Variants in NEMF observed in about 807,000 individuals in gnomAD.
NEMF encodes the protein nuclear export mediator factor.
NEMF carries 89 observed loss-of-function variants against 162.2 expected under a neutral mutation model. The observed-to-expected ratio is 0.55, with a 90% CI of 0.46 to 0.65. The LOEUF is 0.65. Ranked by LOEUF, NEMF falls within the 30% of genes least tolerant of loss-of-function variation. The pLI is 0.00. For missense variants in NEMF, 1,133 were observed against 1,261.9 expected (o/e 0.90, Z 1.55); for synonymous variants, 421 against 404.5 (o/e 1.04, Z -0.49).
chr14:49,820,817 G>A (rs554945446), intron 16 of NEMF, among the ~76,000 whole-genome samples: 3 of 152,120 alleles, frequency 2.0e-5, no homozygotes, highest in East Asian at 1.9e-4. Context: ...ATGGGGTTTC[G>A]CTGTGTTGGC....
chr14:49,794,772 G>A (rs1043278013), intron 26 of NEMF, among the ~76,000 whole-genome samples: 1 of 145,398 alleles, frequency 6.9e-6, no homozygotes, highest in African/African-American at 2.6e-5. Flanking sequence ...AGGCTGCGGT[G>A]CAGTGGCGTG....
chr14:49,826,633 C>T (rs772317918), intron 15 of NEMF, among the ~76,000 whole-genome samples: 5 of 151,446 alleles, frequency 3.3e-5, no homozygotes, highest in African/African-American at 4.9e-5. Context: ...AGACAGAGGG[C>T]CAAGTCATGA....
At chr14:49,803,528 CT>C (rs1221404012) in intron 19 of NEMF, among the ~76,000 whole-genome samples, 300 of 140,570 alleles carry the variant, frequency 2.1e-3, no homozygotes, top group Admixed American at 1.9e-3. Context: ...AATTTTCTTT[CT>C]TTTTTTTTTT....
chr14:49,839,177 A>G (rs1335608775), intron 5 of NEMF, among the ~76,000 whole-genome samples: 2 of 151,844 alleles, frequency 1.3e-5, no homozygotes, highest in East Asian at 3.9e-4. Flanking sequence ...TCCTGGGTTC[A>G]AGAGATTCTC....
At chr14:49,833,536 C>T (rs775644777) in intron 7 of NEMF, 40 bp from the exon 8 acceptor site, 2 of 1,373,016 alleles carry the variant, frequency 1.5e-6, no homozygotes, top group African/African-American at 1.4e-5. Context: ...GAGTGCCAAT[C>T]AAGTGTCAAT....
chr14:49,809,373 G>A (rs1891362289), intron 18 of NEMF, among the ~76,000 whole-genome samples: 1 of 152,158 alleles, frequency 6.6e-6, no homozygotes, highest in African/African-American at 2.4e-5. Flanking sequence ...GAGACATGGA[G>A]GAAAGGTAAA....
Position 49,834,356 on chromosome 14 carries a change from G to C in NEMF, c.661+7C>G. 2 of 1,559,992 alleles carry C rather than the reference G, an allele frequency of 1.3e-6. No individual in the cohort carries two copies. The highest frequency in any genetic ancestry group is 2.2e-5 in the South Asian group (2 of 89,780). Reference sequence around the variant, plus strand: ...AAATAAATGAAAAATGTACCATGCAGACATACCTTTAGTTTCAAGTTTTTC... The same window carrying C: ...AAATAAATGAAAAATGTACCATGCACACATACCTTTAGTTTCAAGTTTTTC... On this transcript the variant is annotated splice_region_variant and intron_variant, in intron 7 of 32. Transcript: ENST00000298310.
chr14:49,832,720 G>C lies in NEMF; in HGVS notation c.736-443C>G, dbSNP rs1014905091. Among the ~76,000 whole-genome samples the C allele has an allele frequency of 2.0e-5, 3 of 152,078 alleles. No individual in the cohort carries two copies. The East Asian group carries it at 5.8e-4, about 29-fold the overall frequency. ...TATTAATTTTAATTTTCTATAAATA[G>C]TTATGCTTTGAAAAGGGAAGAAAAA... On this transcript the variant is annotated intron_variant, in intron 8 of 32. Coordinates refer to ENST00000298310, the MANE Select transcript of NEMF (RefSeq NM_004713.6).
chr14:49,789,874 G>C (rs1159821560), intron 26 of NEMF, among the ~76,000 whole-genome samples: 1 of 152,168 alleles, frequency 6.6e-6, no homozygotes, highest in Non-Finnish European at 1.5e-5. Context: ...AAAAGGAAGA[G>C]AACAGTAATA....
intron 16 of NEMF, among the ~76,000 whole-genome samples, chr14:49,822,291 A>AAAAAT (rs199872701): frequency 6.7e-6 from 1 of 149,696 alleles, no homozygotes; most frequent in Admixed American, 6.7e-5. Context: ...ATCAATAAAA[A>AAAAAT]AAAATAAAAT....
rs192565394 is a variant in NEMF at position 49,792,848 on chromosome 14, G to A, written c.2619+2943C>T. On this transcript the variant is annotated intron_variant, in intron 26 of 32. Transcript: ENST00000298310. ...AAATAAAAATTAGCCAGACATGGTG[G>A]CACATGCCTGTGATCCCAGCTGTTT... Among the ~76,000 whole-genome samples the A allele has an allele frequency of 1.2e-4, 19 of 152,216 alleles. No homozygotes were observed. The East Asian group carries it at 3.7e-3, about 29-fold the overall frequency.
At chr14:49,841,991 G>C (rs1462582872) in intron 4 of NEMF, among the ~76,000 whole-genome samples, 1 of 152,044 alleles carries the variant, frequency 6.6e-6, no homozygotes, top group Non-Finnish European at 1.5e-5. Flanking sequence ...TGTAATCCCA[G>C]CTACTCAGGA....
intron 4 of NEMF, chr14:49,844,727 G>GCGCACA (rs1893394206): frequency 6.9e-6 from 1 of 145,958 alleles, no homozygotes; most frequent in African/African-American, 2.8e-5. Context: ...ACACGCACGC[G>GCGCACA]CACGCGCGCG....
intron 16 of NEMF, among the ~76,000 whole-genome samples, chr14:49,819,207 T>C (rs147739380): frequency 0.01 from 1,535 of 152,092 alleles, 12 homozygotes; most frequent in Middle Eastern, 0.054. Context: ...ACATCCAATA[T>C]ATGGCATGAG....
rs1334068594 is a variant in NEMF at position 49,831,370 on chromosome 14, A to G, written c.883-9T>C. Reference sequence around the variant, plus strand: ...TAAAATTCATCCACCGCCTTATTAAAAAAACAAACAACTAGTTGGAAAAAA... The same window carrying G: ...TAAAATTCATCCACCGCCTTATTAAGAAAACAAACAACTAGTTGGAAAAAA... On this transcript the variant is annotated splice_polypyrimidine_tract_variant and intron_variant, in intron 10 of 32. Coordinates refer to ENST00000298310, the MANE Select transcript of NEMF (RefSeq NM_004713.6). 19 of 1,565,202 alleles carry G rather than the reference A, an allele frequency of 1.2e-5. No homozygotes were observed. Among genetic ancestry groups the G allele is most frequent in the Non-Finnish European group, 1.7e-5 (19 of 1,137,940 alleles).
At chr14:49,810,228 C>T (rs1443395257) in intron 18 of NEMF, among the ~76,000 whole-genome samples, 4 of 150,988 alleles carry the variant, frequency 2.6e-5, no homozygotes, top group African/African-American at 7.3e-5. Flanking sequence ...ATTAGCCGGG[C>T]GTGGTGGAGG....
At chr14:49,791,149 CATAA>C (rs1212595266) in intron 26 of NEMF, among the ~76,000 whole-genome samples, 2 of 151,104 alleles carry the variant, frequency 1.3e-5, no homozygotes, top group African/African-American at 4.9e-5. Flanking sequence ...TCCTGGCCAA[CATAA>C]GTGAAACCCC....
intron 3 of NEMF, among the ~76,000 whole-genome samples, chr14:49,847,418 G>A (rs192979706): frequency 1.7e-4 from 26 of 150,698 alleles, no homozygotes; most frequent in Middle Eastern, 3.5e-3. Context: ...TGCCCAGGCT[G>A]GTCTCGAACT....
chr14:49,816,876 T>C (rs1219633335), intron 16 of NEMF, among the ~76,000 whole-genome samples: 2 of 152,130 alleles, frequency 1.3e-5, no homozygotes, highest in Non-Finnish European at 2.9e-5. Context: ...GTAATCATCC[T>C]AGTAAGGGAA....
Sources: allele counts gnomAD v4.1 joint callset (sites outside exome capture counted in the v4.1 genomes callset), GRCh38; gene constraint gnomAD v4.1.1; transcripts MANE v1.5; gene names NCBI Gene and HGNC (gene_info 2026-07-23, HGNC 2026-07-21).